The following MTA3 variants were observed in gnomAD, a reference collection of about 807,000 sequenced individuals.
MTA3 encodes metastasis associated 1 family member 3, also known as metastasis-associated protein MTA3.
Under a neutral mutation model 83.5 loss-of-function variants are expected in MTA3, and 34 were observed. The observed-to-expected ratio is 0.41, with a 90% confidence interval of 0.31 to 0.54. The LOEUF (loss-of-function observed/expected upper bound fraction) is 0.54, where lower values mean the gene tolerates loss of function less well. MTA3 is among the 20% of genes least tolerant of loss of function. MTA3 has a pLI of 0.33. For missense variants in MTA3, 761 were observed against 726.4 expected, an observed-to-expected ratio of 1.05 and a Z score of -0.55; for synonymous variants, 303 against 252.7, an observed-to-expected ratio of 1.20 and a Z score of -1.89.
chr2:42,595,634 A>G (rs1382913349), intron 3 of MTA3, among the ~76,000 whole-genome samples: 1 of 152,164 alleles, frequency 6.6e-6, no homozygotes, highest in Non-Finnish European at 1.5e-5. Context: ...TAGAACAAGG[A>G]AATACATTTT....
intron 6 of MTA3, among the ~76,000 whole-genome samples, chr2:42,652,872 G>A (rs563225753): frequency 6.6e-6 from 1 of 152,256 alleles, no homozygotes; most frequent in East Asian, 1.9e-4. Context: ...AGACATCCTT[G>A]TGTGTTCCTG....
chr2:42,524,482 T>TTGG (rs1553337450), intron 2 of MTA3, among the ~76,000 whole-genome samples: 1 of 62,434 alleles, frequency 1.6e-5, no homozygotes, highest in Non-Finnish European at 3.4e-5. Flanking sequence ...GTTTTTTTTT[T>TTGG]TTTTTTTTTT....
chr2:42,736,975 A>G (rs372890889), intron 16 of MTA3, among the ~76,000 whole-genome samples: 7 of 152,252 alleles, frequency 4.6e-5, no homozygotes, highest in African/African-American at 1.7e-4. Context: ...GCCCCATCCT[A>G]CTGTGGCTGA....
chr2:42,742,550 C>T (rs1669111731), intron 16 of MTA3, among the ~76,000 whole-genome samples: 1 of 151,900 alleles, frequency 6.6e-6, no homozygotes, highest in Non-Finnish European at 1.5e-5. Context: ...GAAGTTGGGG[C>T]ATAGGAGCTA....
intron 8 of MTA3, among the ~76,000 whole-genome samples, chr2:42,680,788 G>C (rs1013162386): frequency 1.3e-5 from 2 of 152,188 alleles, no homozygotes; most frequent in African/African-American, 2.4e-5. Context: ...GCATCACTCT[G>C]TTGCCCAGGC....
Position 42,754,573 on chromosome 2 carries a change from C to G in MTA3, c.*1174C>G. The G allele has an allele frequency of 1.0e-6, 1 of 985,470 alleles. No homozygotes were observed. Among genetic ancestry groups the G allele is most frequent in the Non-Finnish European group, 1.2e-6 (1 of 829,968 alleles). 61.0% of individuals were successfully genotyped at this position (985,470 alleles called of 1,614,324 possible). Reference sequence around the variant, plus strand: ...AGCTGCAAGGATAGGAATAGCTCAGCGCCCGATGAGCTCCCTGAGCAGATG... The same window carrying G: ...AGCTGCAAGGATAGGAATAGCTCAGGGCCCGATGAGCTCCCTGAGCAGATG... On this transcript the variant is annotated 3_prime_UTR_variant, in exon 17 of 17. Transcript: ENST00000405094.
At chr2:42,707,566 C>T (rs1356550840) in intron 12 of MTA3, among the ~76,000 whole-genome samples, 1 of 152,090 alleles carries the variant, frequency 6.6e-6, no homozygotes, top group Non-Finnish European at 1.5e-5. Flanking sequence ...TTAAATACTA[C>T]CATCTTTTTG....
At chr2:42,680,837 G>T (rs923120389) in intron 8 of MTA3, among the ~76,000 whole-genome samples, 2 of 151,948 alleles carry the variant, frequency 1.3e-5, no homozygotes, top group Non-Finnish European at 2.9e-5. Context: ...CTGCAGCCTC[G>T]ACCTCCCTGG....
At chr2:42,627,451 T>C (rs1159920460) in intron 4 of MTA3, among the ~76,000 whole-genome samples, 2 of 152,208 alleles carry the variant, frequency 1.3e-5, no homozygotes, top group Non-Finnish European at 2.9e-5. Flanking sequence ...CCAGATGTGC[T>C]CTTCTTAGTC....
At chr2:42,724,329 C>T (rs1021510935) in intron 16 of MTA3, among the ~76,000 whole-genome samples, 3 of 147,064 alleles carry the variant, frequency 2.0e-5, no homozygotes, top group Non-Finnish European at 4.5e-5. Context: ...CACACACACA[C>T]ACGTATATAT....
At position 42,617,934 on chromosome 2, in the gene MTA3, C is replaced by CT. The variant is rs201817939; in HGVS notation, c.317+8357dup. On this transcript the variant is annotated intron_variant, in intron 4 of 16. Transcript: ENST00000405094. ...TGATAGAAATCTGCTGAAAACAACT[C>CT]TTTTTTTAAAAAAAAAAAAATTTAA... Among the ~76,000 whole-genome samples the CT allele has an allele frequency of 1.8e-3, 278 of 151,586 alleles. 1 individual carries two copies. The highest frequency in any genetic ancestry group is 1.0e-3 in the South Asian group (5 of 4,790).
chr2:42,693,418 A>C (rs76829775), intron 9 of MTA3, among the ~76,000 whole-genome samples: 1 of 152,172 alleles, frequency 6.6e-6, no homozygotes, highest in Non-Finnish European at 1.5e-5. Flanking sequence ...CTGATGTTCT[A>C]TTCTGCTGTG....
chr2:42,657,990 T>G (rs1689319351), intron 7 of MTA3, among the ~76,000 whole-genome samples: 1 of 144,188 alleles, frequency 6.9e-6, no homozygotes, highest in South Asian at 2.2e-4. Flanking sequence ...GAAAATTGCT[T>G]GAACTTGCGA....
At chr2:42,699,847 G>A (rs769488704) in intron 11 of MTA3, among the ~76,000 whole-genome samples, 2 of 152,100 alleles carry the variant, frequency 1.3e-5, no homozygotes, top group African/African-American at 2.4e-5. Flanking sequence ...ACATATTTGA[G>A]CTTCATCAGC....
At chr2:42,578,956 G>T in intron 2 of MTA3, 151 bp from the exon 3 acceptor site, 1 of 551,916 alleles carries the variant, frequency 1.8e-6, no homozygotes, top group South Asian at 2.7e-5. Context: ...ATCCTTATTT[G>T]AATTTTTTAG....
chr2:42,683,748 G>A lies in MTA3; in HGVS notation c.891+1159G>A, dbSNP rs912439521. On this transcript the variant is annotated intron_variant, in intron 9 of 16. Transcript: ENST00000405094. ...CATGCTCCCGTGAGAATCTAATGCC[G>A]CTGCTGATCTGACGGGGCAGACCTC... 9.2e-5 allele frequency among the ~76,000 whole-genome samples: 14 copies of A among 152,210 alleles called. No homozygotes were observed. In the East Asian group the frequency reaches 2.1e-3, roughly 23 times the overall value.
At chr2:42,688,618 T>G (rs1416105078) in intron 9 of MTA3, among the ~76,000 whole-genome samples, 1 of 151,430 alleles carries the variant, frequency 6.6e-6, no homozygotes, top group East Asian at 1.9e-4. Flanking sequence ...TCAAGTGTTT[T>G]TTTTTTTTTT....
At position 42,569,198 on chromosome 2, in the gene MTA3, G is replaced by A. The variant is rs551192911; in HGVS notation, c.28+425G>A. On this transcript the variant is annotated intron_variant, in intron 1 of 16. Transcript: ENST00000405094. ...CACTCAGTGGGAGCCTGGGGTGGGG[G>A]TGGGGGTGGGGGCGGTGGGGGCCCA... 2.6e-5 allele frequency among the ~76,000 whole-genome samples: 4 copies of A among 151,586 alleles called. No homozygotes were observed. In the East Asian group the frequency reaches 7.8e-4, roughly 29 times the overall value.
In MTA3 at chr2:42,499,961, GAAA is replaced by G. The variant is rs929451419; in HGVS notation, c.-141+4717_-141+4719del. 2.2e-5 allele frequency among the ~76,000 whole-genome samples: 3 copies of G among 138,196 alleles called. No homozygotes were observed. In the East Asian group the frequency reaches 6.2e-4, roughly 29 times the overall value. 90.7% of individuals were successfully genotyped at this position (138,196 alleles called of 152,430 possible). On this transcript the variant is annotated intron_variant, in intron 2 of 17. Coordinates refer to the MTA3 transcript ENST00000405592. ...ACCTCAATAAAGTGTTTTCTTTTTT[GAAA>G]AAAAAAAAAGAGAGAGAGAGATGGC...
Sources: gnomAD v4.1 joint callset for allele counts (sites outside exome capture counted in the v4.1 genomes callset) on GRCh38, gnomAD v4.1.1 for gene constraint, MANE v1.5 for transcripts, NCBI Gene and HGNC (gene_info 2026-07-23, HGNC 2026-07-21) for gene names.